ANKRD45: variants seen among roughly 807,000 people sequenced by gnomAD.
ANKRD45 encodes ankyrin repeat domain-containing protein 45.
A neutral mutation model predicts 28.1 loss-of-function variants in ANKRD45; 21 were observed. The ratio of observed to expected loss-of-function variants is 0.75; its 90% CI spans 0.53 to 1.08. The LOEUF (loss-of-function observed/expected upper bound fraction) is 1.08, where lower values mean the gene tolerates loss of function less well. Ranked by LOEUF, ANKRD45 falls within the 50% of genes least tolerant of loss-of-function variation. The pLI is 0.00. For missense variants in ANKRD45, 261 were observed against 308.7 expected, an observed-to-expected ratio of 0.85 and a Z score of 1.16; for synonymous variants, 86 against 103.9, an observed-to-expected ratio of 0.83 and a Z score of 1.05.
chr1:173,623,323 A>C (rs906698296), intron 5 of ANKRD45, among the ~76,000 whole-genome samples: 4 of 152,002 alleles, frequency 2.6e-5, no homozygotes, highest in African/African-American at 4.8e-5. Flanking sequence ...AAAAAAAAAA[A>C]CACATTCATG....
intron 5 of ANKRD45, 41 bp downstream of exon 5, chr1:173,624,746 A>T: frequency 1.9e-6 from 3 of 1,576,364 alleles, no homozygotes; most frequent in Middle Eastern, 1.7e-4. Context: ...CTTAATTTTC[A>T]TCCCTTCTGA....
chr1:173,632,821 CA>C (rs1668253354), intron 3 of ANKRD45, among the ~76,000 whole-genome samples: 1 of 151,952 alleles, frequency 6.6e-6, no homozygotes, highest in Non-Finnish European at 1.5e-5. Flanking sequence ...TAAAAATCCT[CA>C]AAAAACTGGG....
chr1:173,683,727 T>C, the ANKRD45 span, among the ~76,000 whole-genome samples: 117 of 152,326 alleles, frequency 7.7e-4, 3 homozygotes, highest in South Asian at 0.024. Context: ...AGGATGCACC[T>C]GTGACACAGC....
chr1:173,689,323 C>T, the ANKRD45 span, among the ~76,000 whole-genome samples: 2 of 152,242 alleles, frequency 1.3e-5, no homozygotes, highest in Admixed American at 6.5e-5. Context: ...AAAGAGGGTT[C>T]GGACCCTTTA....
the ANKRD45 span, among the ~76,000 whole-genome samples, chr1:173,677,032 T>C: frequency 6.6e-6 from 1 of 151,952 alleles, no homozygotes; most frequent in Non-Finnish European, 1.5e-5. Flanking sequence ...TCTTAAAGGA[T>C]TAATTAGGTC....
the ANKRD45 span, among the ~76,000 whole-genome samples, chr1:173,689,952 T>C: frequency 6.6e-6 from 1 of 151,520 alleles, no homozygotes; most frequent in Non-Finnish European, 1.5e-5. Context: ...AGTGTATAAC[T>C]GAGGTCCTAA....
chr1:173,663,912 A>C (rs1242647163), intron 1 of ANKRD45, among the ~76,000 whole-genome samples: 1 of 152,254 alleles, frequency 6.6e-6, no homozygotes, highest in Non-Finnish European at 1.5e-5. Context: ...TCCTGGATAC[A>C]TGGCATATAT....
chr1:173,631,988 AG>A, intron 3 of ANKRD45, among the ~76,000 whole-genome samples: 1 of 152,148 alleles, frequency 6.6e-6, no homozygotes, highest in East Asian at 1.9e-4. Flanking sequence ...TAAATAAAAA[AG>A]ATCAGAACAA....
chr1:173,678,218 T>C, the ANKRD45 span, among the ~76,000 whole-genome samples: 1 of 152,120 alleles, frequency 6.6e-6, no homozygotes, highest in Non-Finnish European at 1.5e-5. Flanking sequence ...ACTCATTTTA[T>C]GAGCATCATC....
chr1:173,635,982 C>A (rs1355327185), intron 3 of ANKRD45: 1 of 656,884 alleles, frequency 1.5e-6, no homozygotes, highest in Non-Finnish European at 2.6e-6. Context: ...TCATTCCCAG[C>A]ATCTAGCACA....
chr1:173,621,612 C>T (rs1196289643), intron 5 of ANKRD45, among the ~76,000 whole-genome samples: 4 of 152,104 alleles, frequency 2.6e-5, no homozygotes, highest in Non-Finnish European at 4.4e-5. Context: ...AATATCTCTT[C>T]ATGTTAAAAA....
At position 173,613,568 on chromosome 1, in the gene ANKRD45, C is replaced by CA. The variant is rs1311035418; in HGVS notation, c.731-3354_731-3353insT. 2.1e-5 allele frequency among the ~76,000 whole-genome samples: 3 copies of CA among 141,862 alleles called. 1 individual carries two copies. Among genetic ancestry groups the CA allele is most frequent in the African/African-American group, 8.9e-5 (3 of 33,646 alleles). 93.1% of individuals were successfully genotyped at this position (141,862 alleles called of 152,430 possible). On this transcript the variant is annotated intron_variant, in intron 5 of 5. Transcript: ENST00000333279. The stretch of plus-strand genomic sequence containing the variant: ...GGAGGGAGGTGGGGGGTCAGCCCCC[C>CA]CCCCGGCCAGCCGCCCCGTCCGGGA...
chr1:173,662,995 A>G (rs1161903938), intron 1 of ANKRD45, among the ~76,000 whole-genome samples: 1 of 151,938 alleles, frequency 6.6e-6, no homozygotes, highest in Non-Finnish European at 1.5e-5. Context: ...ATTTTACAGA[A>G]GAATTACAGT....
intron 5 of ANKRD45, among the ~76,000 whole-genome samples, chr1:173,615,337 A>T (rs1667415024): frequency 6.9e-6 from 1 of 145,282 alleles, no homozygotes; most frequent in African/African-American, 2.6e-5. Flanking sequence ...ATGAGCTGAG[A>T]TTGCGCCACT....
At chr1:173,681,401 G>C in the ANKRD45 span, among the ~76,000 whole-genome samples, 2 of 152,010 alleles carry the variant, frequency 1.3e-5, no homozygotes, top group Non-Finnish European at 2.9e-5. Context: ...GTAACTTAAA[G>C]CATTTGACTA....
the ANKRD45 span, among the ~76,000 whole-genome samples, chr1:173,692,379 A>G: frequency 6.6e-6 from 1 of 152,202 alleles, no homozygotes; most frequent in Non-Finnish European, 1.5e-5. Flanking sequence ...CTTCCAGGTC[A>G]TAGGTAGGTA....
intron 3 of ANKRD45, among the ~76,000 whole-genome samples, chr1:173,642,447 G>A (rs1278446974): frequency 6.6e-6 from 1 of 152,172 alleles, no homozygotes; most frequent in East Asian, 1.9e-4. Context: ...ATAAAAGAGG[G>A]GGGAATTGTA....
At chr1:173,634,622 C>T (rs917892985) in intron 3 of ANKRD45, among the ~76,000 whole-genome samples, 1 of 151,966 alleles carries the variant, frequency 6.6e-6, no homozygotes, top group Non-Finnish European at 1.5e-5. Context: ...AAGTGGGACT[C>T]ATTGCCCTCT....
At chr1:173,656,590 A>G (rs1669526012) in intron 2 of ANKRD45, among the ~76,000 whole-genome samples, 1 of 152,204 alleles carries the variant, frequency 6.6e-6, no homozygotes, top group Non-Finnish European at 1.5e-5. Context: ...CGACATGGCC[A>G]GTTTCAACAG....
Sources: allele counts gnomAD v4.1 joint callset (sites outside exome capture counted in the v4.1 genomes callset), GRCh38; gene constraint gnomAD v4.1.1; transcripts MANE v1.5; gene names NCBI Gene and HGNC (gene_info 2026-07-23, HGNC 2026-07-21).